The following PTER variants were observed in gnomAD, a reference collection of about 807,000 sequenced individuals.
The protein encoded by PTER is phosphotriesterase related, also known as N-acetyltaurine hydrolase.
PTER carries 38 observed loss-of-function variants against 29.6 expected under a neutral mutation model. The ratio of observed to expected loss-of-function variants is 1.28; its 90% confidence interval spans 0.99 to 1.68. The LOEUF is 1.68. Among genes scored for constraint, PTER ranks in the 40% most tolerant of loss-of-function variants. PTER has a pLI of 0.00. For synonymous variants in PTER, 172 were observed against 154.5 expected, an observed-to-expected ratio of 1.11 and a Z score of -0.84; for missense variants, 482 against 427.8, an observed-to-expected ratio of 1.13 and a Z score of -1.12.
intron 1 of PTER, among the ~76,000 whole-genome samples, chr10:16,465,141 C>G (rs566327259): frequency 7.1e-4 from 108 of 152,226 alleles, no homozygotes; most frequent in Admixed American, 1.6e-3. Context: ...GGGGACACAG[C>G]CAAACCATAT....
intron 3 of PTER, among the ~76,000 whole-genome samples, chr10:16,499,819 A>T (rs1255792201): frequency 6.6e-6 from 1 of 151,850 alleles, no homozygotes; most frequent in Non-Finnish European, 1.5e-5. Flanking sequence ...GTCAGTTAAA[A>T]AATCAGAAAA....
intron 3 of PTER, among the ~76,000 whole-genome samples, chr10:16,492,727 G>T (rs1050758515): frequency 2.0e-5 from 3 of 152,188 alleles, no homozygotes; most frequent in Admixed American, 2.0e-4. Flanking sequence ...CAAGCCAAAG[G>T]GCTTTGATAG....
At chr10:16,515,168 G>C (rs1451484071), downstream of PTER, among the ~76,000 whole-genome samples, 1 of 151,142 alleles carries the variant, frequency 6.6e-6, no homozygotes, top group Non-Finnish European at 1.5e-5. Flanking sequence ...AGAAAATTGA[G>C]GTATGTAATA....
At position 16,486,619 on chromosome 10, in the gene PTER, T is replaced by G; in HGVS notation, c.698+2T>G. 1 of 1,603,366 alleles carries G rather than the reference T, an allele frequency of 6.2e-7. No individual in the cohort carries two copies. Among genetic ancestry groups the G allele is most frequent in the Non-Finnish European group, 8.5e-7 (1 of 1,173,598 alleles). On this transcript the variant is annotated splice_donor_variant, in intron 3 of 4. Transcript: ENST00000535784. LOFTEE classifies it high-confidence loss of function. ...AACAGTCATGTCACACCTGGATAGG[T>G]AAGTAGGCTGTCTTACAAATGGATG...
intron 3 of PTER, among the ~76,000 whole-genome samples, chr10:16,500,822 C>G (rs1192381053): frequency 6.6e-6 from 1 of 152,090 alleles, no homozygotes; most frequent in Non-Finnish European, 1.5e-5. Flanking sequence ...GTCACTGCAG[C>G]CTTGAACTCT....
intron 1 of PTER, among the ~76,000 whole-genome samples, chr10:16,484,009 A>T (rs1835583501): frequency 6.6e-6 from 1 of 152,210 alleles, no homozygotes; most frequent in Non-Finnish European, 1.5e-5. Context: ...TTATCCAAGA[A>T]TGCATAGCTA....
intron 1 of PTER, among the ~76,000 whole-genome samples, chr10:16,467,014 T>C (rs904405647): frequency 3.3e-5 from 5 of 152,234 alleles, no homozygotes; most frequent in African/African-American, 1.2e-4. Context: ...CTTCCACCAA[T>C]GCAGATAGGA....
At chr10:16,462,772 T>C (rs546725766) in intron 1 of PTER, among the ~76,000 whole-genome samples, 28 of 147,124 alleles carry the variant, frequency 1.9e-4, no homozygotes, top group African/African-American at 5.9e-4. Flanking sequence ...GGTTTCACCA[T>C]GTAGGCCAGG....
intron 1 of PTER, among the ~76,000 whole-genome samples, chr10:16,468,926 G>T (rs1235479791): frequency 6.6e-6 from 1 of 151,836 alleles, no homozygotes; most frequent in South Asian, 2.1e-4. Flanking sequence ...AATGAGCTAC[G>T]ATCATACCCC....
chr10:16,459,338 G>A lies in PTER; in HGVS notation c.-49+22291G>A, dbSNP rs931327450. Among the ~76,000 whole-genome samples the A allele has an allele frequency of 2.0e-5, 3 of 152,274 alleles. No individual in the cohort carries two copies. In the East Asian group the frequency reaches 5.8e-4, roughly 29 times the overall value. On this transcript the variant is annotated intron_variant, in intron 1 of 4. Coordinates refer to ENST00000535784, the MANE Select transcript of PTER (RefSeq NM_001261836.2). ...TCATACTTGCAAAGGTTTATACTCTGCATATATCAGTTACAGGGTGGGTCT... is the reference window on the plus strand; with the variant it reads ...TCATACTTGCAAAGGTTTATACTCTACATATATCAGTTACAGGGTGGGTCT...
At chr10:16,494,695 C>A (rs1272175509) in intron 3 of PTER, among the ~76,000 whole-genome samples, 1 of 152,150 alleles carries the variant, frequency 6.6e-6, no homozygotes, top group Non-Finnish European at 1.5e-5. Flanking sequence ...GTGGAAGTAG[C>A]AAATTACATA....
intron 3 of PTER, among the ~76,000 whole-genome samples, chr10:16,502,256 C>G (rs115624838): frequency 6.6e-6 from 1 of 152,248 alleles, no homozygotes; most frequent in African/African-American, 2.4e-5. Context: ...TGAATTTACT[C>G]AAAAGGAAAA....
chr10:16,444,508 C>A (rs189413025), intron 1 of PTER, among the ~76,000 whole-genome samples: 4 of 152,070 alleles, frequency 2.6e-5, no homozygotes, highest in Admixed American at 1.3e-4. Flanking sequence ...GGGGCACTAC[C>A]CCTCGGGAAG....
chr10:16,456,800 T>C (rs1834409743), intron 1 of PTER, among the ~76,000 whole-genome samples: 1 of 143,664 alleles, frequency 7.0e-6, no homozygotes, highest in Non-Finnish European at 1.5e-5. Context: ...GAATTGTAGC[T>C]CTCATAATTC....
chr10:16,497,218 A>C (rs1031752653), intron 3 of PTER, among the ~76,000 whole-genome samples: 5 of 152,186 alleles, frequency 3.3e-5, no homozygotes, highest in African/African-American at 9.7e-5. Flanking sequence ...TACAGGCATG[A>C]GCCATATGCC....
intron 1 of PTER, among the ~76,000 whole-genome samples, chr10:16,438,034 GTC>G (rs1427366496): frequency 6.6e-6 from 1 of 152,038 alleles, no homozygotes; most frequent in African/African-American, 2.4e-5. Context: ...TAAAGACAGA[GTC>G]TCGCCCTTGC....
At chr10:16,473,419 A>G (rs547541856) in intron 1 of PTER, among the ~76,000 whole-genome samples, 15 of 150,782 alleles carry the variant, frequency 9.9e-5, no homozygotes, top group African/African-American at 3.4e-4. Context: ...CACTATTAAA[A>G]ATTAGTTCTC....
At chr10:16,477,733 C>G (rs1210553428) in intron 1 of PTER, among the ~76,000 whole-genome samples, 6 of 152,172 alleles carry the variant, frequency 3.9e-5, no homozygotes, top group African/African-American at 2.4e-5. Context: ...ATTTTACCAA[C>G]TAGACCACAC....
At chr10:16,462,758 A>G (rs1276368290) in intron 1 of PTER, among the ~76,000 whole-genome samples, 1 of 151,440 alleles carries the variant, frequency 6.6e-6, no homozygotes, top group East Asian at 2.0e-4. Context: ...TTTAGTAGAG[A>G]CGGGGTTTCA....
Sources: gnomAD v4.1 joint callset for allele counts (sites outside exome capture counted in the v4.1 genomes callset) on GRCh38, gnomAD v4.1.1 for gene constraint, MANE v1.5 for transcripts, NCBI Gene and HGNC (gene_info 2026-07-23, HGNC 2026-07-21) for gene names.